LINGO2: variants seen among roughly 807,000 people sequenced by gnomAD.
The protein encoded by LINGO2 is leucine rich repeat and Ig domain containing 2, also known as leucine-rich repeat and immunoglobulin-like domain-containing nogo receptor-interacting protein 2.
In LINGO2, 14 loss-of-function variants were observed where a neutral mutation model predicts 30.6. The observed-to-expected ratio is 0.46, with a 90% CI of 0.30 to 0.72. The LOEUF is 0.72. Among genes scored for constraint, LINGO2 ranks in the 30% least tolerant of loss-of-function variants. LINGO2 has a pLI of 0.07. For missense variants in LINGO2, 729 were observed against 751.7 expected, an observed-to-expected ratio of 0.97 and a Z score of 0.35; for synonymous variants, 317 against 288.5, an observed-to-expected ratio of 1.10 and a Z score of -1.00.
chr9:28,621,207 T>C (rs776790417), intron 1 of LINGO2, among the ~76,000 whole-genome samples: 1 of 151,942 alleles, frequency 6.6e-6, no homozygotes, highest in Admixed American at 6.6e-5. Flanking sequence ...TATATGTACA[T>C]AGATAGGAAT....
chr9:28,278,464 CAGCTGGTGACTTTA>C (rs1823207808), intron 4 of LINGO2, among the ~76,000 whole-genome samples: 2 of 152,150 alleles, frequency 1.3e-5, no homozygotes, highest in African/African-American at 4.8e-5. Context: ...GGGGCTAATG[CAGCTGGTGACTTTA>C]AGTTGAAGCC....
chr9:28,631,462 T>C (rs1025211551), intron 1 of LINGO2, among the ~76,000 whole-genome samples: 18 of 152,126 alleles, frequency 1.2e-4, no homozygotes, highest in African/African-American at 4.1e-4. Context: ...GCTTTCTACA[T>C]ATGGCTAGCC....
Position 28,086,713 on chromosome 9 carries a change from C to T in LINGO2, c.-86-74308G>A, listed in dbSNP as rs143129950. Among the ~76,000 whole-genome samples, 636 of 152,116 alleles carry T rather than the reference C, an allele frequency of 4.2e-3. 6 individuals are homozygous for T. The highest frequency in any genetic ancestry group is 0.014 in the African/African-American group (577 of 41,520). The stretch of plus-strand genomic sequence containing the variant: ...CACACACAATGCAGCAATCCCTGGA[C>T]GAGTGAGAGTGAAAAACTTGAGTTC... On this transcript the variant is annotated intron_variant, in intron 4 of 5. Transcript: ENST00000379992.
At chr9:28,303,169 G>C (rs1235821722) in intron 3 of LINGO2, among the ~76,000 whole-genome samples, 2 of 152,120 alleles carry the variant, frequency 1.3e-5, no homozygotes, top group Non-Finnish European at 2.9e-5. Flanking sequence ...ATACAAGAGA[G>C]ACAATGTCAT....
At chr9:28,135,653 A>G (rs1174274245) in intron 4 of LINGO2, among the ~76,000 whole-genome samples, 3 of 152,042 alleles carry the variant, frequency 2.0e-5, no homozygotes, top group Admixed American at 1.3e-4. Context: ...CTCCTTTACA[A>G]ATTTCAAGTC....
intron 4 of LINGO2, among the ~76,000 whole-genome samples, chr9:28,229,245 A>G (rs1330835677): frequency 6.6e-6 from 1 of 151,864 alleles, no homozygotes; most frequent in Non-Finnish European, 1.5e-5. Flanking sequence ...ATTTCATTAA[A>G]AAGGTAATTT....
chr9:28,235,559 A>G (rs1327236075), intron 4 of LINGO2, among the ~76,000 whole-genome samples: 1 of 152,210 alleles, frequency 6.6e-6, no homozygotes, highest in Non-Finnish European at 1.5e-5. Context: ...AGAATTCAAA[A>G]TAGCTGCTTT....
intron 4 of LINGO2, among the ~76,000 whole-genome samples, chr9:28,117,440 C>T (rs1023288834): frequency 9.2e-6 from 1 of 108,822 alleles, no homozygotes; most frequent in Non-Finnish European, 1.9e-5. Context: ...GGGCTCCACC[C>T]AGTTCGAGCT....
intron 4 of LINGO2, among the ~76,000 whole-genome samples, chr9:28,217,054 T>C (rs1177989452): frequency 1.3e-5 from 2 of 151,454 alleles, no homozygotes; most frequent in African/African-American, 2.4e-5. Context: ...TTAATGTAGT[T>C]ACACAAATCA....
chr9:29,034,396 T>C, the LINGO2 span, among the ~76,000 whole-genome samples: 43 of 152,256 alleles, frequency 2.8e-4, no homozygotes, highest in African/African-American at 9.6e-4. Flanking sequence ...ATAACCTAGC[T>C]AGATCAAGCT....
At chr9:27,971,681 G>A (rs980121150) in intron 5 of LINGO2, among the ~76,000 whole-genome samples, 6 of 152,212 alleles carry the variant, frequency 3.9e-5, no homozygotes, top group South Asian at 2.1e-4. Context: ...GAGCCACGGC[G>A]CCCGGCCTGA....
At chr9:28,248,195 G>A (rs58217677) in intron 4 of LINGO2, among the ~76,000 whole-genome samples, 1,872 of 152,236 alleles carry the variant, frequency 0.012, 14 homozygotes, top group Middle Eastern at 0.027. Flanking sequence ...GTTAAGATTT[G>A]GAAGCAACCT....
chr9:28,704,511 T>C, the LINGO2 span, among the ~76,000 whole-genome samples: 3 of 152,094 alleles, frequency 2.0e-5, no homozygotes, highest in African/African-American at 7.2e-5. Flanking sequence ...GCTTCTAAGA[T>C]TTCTTCTCCT....
the LINGO2 span, among the ~76,000 whole-genome samples, chr9:28,833,230 C>T: frequency 6.6e-6 from 1 of 152,098 alleles, no homozygotes; most frequent in Admixed American, 6.6e-5. Flanking sequence ...TTGACTTTTG[C>T]CATATATATA....
chr9:28,167,260 C>T (rs1486211763), intron 4 of LINGO2, among the ~76,000 whole-genome samples: 1 of 151,896 alleles, frequency 6.6e-6, no homozygotes, highest in Non-Finnish European at 1.5e-5. Flanking sequence ...TTAGGGATCC[C>T]CATTTCTGTG....
intron 4 of LINGO2, among the ~76,000 whole-genome samples, chr9:28,262,139 A>T (rs1270024619): frequency 6.6e-6 from 1 of 151,814 alleles, no homozygotes; most frequent in African/African-American, 2.4e-5. Flanking sequence ...CTTTTTTTAA[A>T]TTTCTTTTTT....
At chr9:29,171,646 A>C in the LINGO2 span, among the ~76,000 whole-genome samples, 14 of 152,060 alleles carry the variant, frequency 9.2e-5, no homozygotes, top group African/African-American at 3.4e-4. Flanking sequence ...GCAATGATTC[A>C]TTAATATAAT....
intron 4 of LINGO2, among the ~76,000 whole-genome samples, chr9:28,193,934 C>T (rs530300486): frequency 6.6e-6 from 1 of 152,260 alleles, no homozygotes; most frequent in East Asian, 1.9e-4. Context: ...ACTGCTCATA[C>T]GGCAGCTGAT....
chr9:28,793,869 A>G, the LINGO2 span, among the ~76,000 whole-genome samples: 1 of 152,160 alleles, frequency 6.6e-6, no homozygotes, highest in Non-Finnish European at 1.5e-5. Context: ...CATGCATATT[A>G]AAGTTTAAGA....
Sources: allele counts gnomAD v4.1 joint callset (sites outside exome capture counted in the v4.1 genomes callset), GRCh38; gene constraint gnomAD v4.1.1; transcripts MANE v1.5; gene names NCBI Gene and HGNC (gene_info 2026-07-23, HGNC 2026-07-21).